The following ELP3 variants were observed in gnomAD, a reference collection of about 807,000 sequenced individuals.
ELP3 encodes elongator complex protein 3.
Under a neutral mutation model 74.9 loss-of-function variants are expected in ELP3, and 56 were observed. The observed-to-expected ratio is 0.75, with a 90% CI of 0.60 to 0.93. ELP3 has a LOEUF of 0.93. Ranked by LOEUF, ELP3 falls within the 40% of genes least tolerant of loss-of-function variation. The probability of loss-of-function intolerance (pLI) is 0.00; values close to 1 mark genes in which losing one functional copy is unlikely to be tolerated. For synonymous variants in ELP3, 222 were observed against 239.8 expected (o/e 0.93, Z 0.68); for missense variants, 573 against 686.5 (o/e 0.83, Z 1.85).
At chr8:28,128,195 C>G (rs184794213) in intron 7 of ELP3, among the ~76,000 whole-genome samples, 1 of 151,924 alleles carries the variant, frequency 6.6e-6, no homozygotes, top group Non-Finnish European at 1.5e-5. Context: ...AGATGTTGGC[C>G]GGGCGCAGTG....
chr8:28,142,772 A>C (rs1385961689), intron 10 of ELP3, among the ~76,000 whole-genome samples: 1 of 152,182 alleles, frequency 6.6e-6, no homozygotes, highest in African/African-American at 2.4e-5. Context: ...TAATATGTTC[A>C]TAGTATTTTC....
intron 4 of ELP3, 145 bp from the exon 5 acceptor site, chr8:28,107,768 A>G (rs1243988831): frequency 1.6e-6 from 1 of 607,834 alleles, no homozygotes; most frequent in Admixed American, 3.1e-5. Context: ...TTATTTACAG[A>G]TACTGCAAAG....
chr8:28,121,815 A>G (rs191739803), intron 7 of ELP3, among the ~76,000 whole-genome samples: 4 of 152,132 alleles, frequency 2.6e-5, no homozygotes, highest in East Asian at 1.9e-4. Context: ...TCCCTTTTGG[A>G]TTTGTATGCT....
intron 7 of ELP3, among the ~76,000 whole-genome samples, chr8:28,123,828 G>GTGACAGCC (rs1554498119): frequency 6.6e-6 from 1 of 151,254 alleles, no homozygotes; most frequent in African/African-American, 2.4e-5. Flanking sequence ...TAATTTAGCC[G>GTGACAGCC]TCATGTGCTT....
At chr8:28,093,011 G>T (rs111292522), upstream of ELP3, 13 of 768,380 alleles carry the variant, frequency 1.7e-5, no homozygotes, top group African/African-American at 5.1e-5. Flanking sequence ...CAGCCTAGGG[G>T]CCTCACGGGC....
chr8:28,099,585 G>A (rs1811391089), intron 2 of ELP3, among the ~76,000 whole-genome samples: 1 of 152,134 alleles, frequency 6.6e-6, no homozygotes, highest in Non-Finnish European at 1.5e-5. Flanking sequence ...CATCGTCCAG[G>A]GACCCTTCTC....
chr8:28,128,497 T>G (rs933662818), intron 7 of ELP3, among the ~76,000 whole-genome samples: 1 of 151,986 alleles, frequency 6.6e-6, no homozygotes, highest in African/African-American at 2.4e-5. Context: ...TGAGAGATGT[T>G]GAAAAGCAGA....
At chr8:28,090,496 T>TGTGA, upstream of ELP3, 1 of 228,854 alleles carries the variant, frequency 4.4e-6, no homozygotes, top group South Asian at 5.9e-5. Flanking sequence ...TGTGTGTGTG[T>TGTGA]GTGTGTGTGT....
chr8:28,117,238 G>T (rs2130415749), intron 7 of ELP3, among the ~76,000 whole-genome samples: 1 of 152,254 alleles, frequency 6.6e-6, no homozygotes, highest in Non-Finnish European at 1.5e-5. Context: ...GATCTGCATA[G>T]TGAACTTTTA....
chr8:28,189,852 C>CAGAG lies in ELP3; in HGVS notation c.*129_*132dup. On this transcript the variant is annotated 3_prime_UTR_variant, in exon 15 of 15. Transcript: ENST00000256398. Reference sequence around the variant, plus strand: ...GGGCTTCACCCTCATCCCGCAGCTGCAGAGACTGGAAACTGCCTTCAAGGC... The same window carrying CAGAG: ...GGGCTTCACCCTCATCCCGCAGCTGCAGAGAGAGACTGGAAACTGCCTTCAAGGC... 1.9e-6 allele frequency: 2 copies of CAGAG among 1,032,298 alleles called. No individual in the cohort carries two copies. Among genetic ancestry groups the CAGAG allele is most frequent in the Non-Finnish European group, 2.9e-6 (2 of 696,954 alleles). 63.9% of individuals were successfully genotyped at this position (1,032,298 alleles called of 1,614,324 possible).
chr8:28,101,223 G>C (rs1811468479), intron 3 of ELP3, among the ~76,000 whole-genome samples: 2 of 151,790 alleles, frequency 1.3e-5, no homozygotes, highest in Non-Finnish European at 2.9e-5. Context: ...GACCATCCTG[G>C]CTAACACGAC....
chr8:28,162,291 A>C (rs966362392), intron 14 of ELP3, among the ~76,000 whole-genome samples: 4 of 152,118 alleles, frequency 2.6e-5, no homozygotes, highest in Non-Finnish European at 5.9e-5. Context: ...AGGACCTGTG[A>C]CCCATATGCC....
At chr8:28,100,784 G>T (rs911521213) in intron 3 of ELP3, among the ~76,000 whole-genome samples, 7 of 152,214 alleles carry the variant, frequency 4.6e-5, no homozygotes, top group African/African-American at 1.7e-4. Context: ...ATGTCAGTAT[G>T]CAGTGTTAAG....
chr8:28,140,582 T>C (rs1777368736), intron 10 of ELP3, among the ~76,000 whole-genome samples: 1 of 152,188 alleles, frequency 6.6e-6, no homozygotes, highest in Middle Eastern at 3.2e-3. Flanking sequence ...GTGAAAAATT[T>C]GAGTTGCCCA....
intron 10 of ELP3, among the ~76,000 whole-genome samples, chr8:28,154,936 A>G (rs181806447): frequency 3.3e-5 from 5 of 152,328 alleles, no homozygotes; most frequent in Admixed American, 2.6e-4. Flanking sequence ...CCTGGCTTCC[A>G]GAGCCTAACA....
chr8:28,124,316 T>C (rs1426782653), intron 7 of ELP3, among the ~76,000 whole-genome samples: 1 of 152,126 alleles, frequency 6.6e-6, no homozygotes, highest in African/African-American at 2.4e-5. Flanking sequence ...TCCAGACTTA[T>C]TTATATTATT....
At chr8:28,128,503 G>A (rs1812669301) in intron 7 of ELP3, among the ~76,000 whole-genome samples, 1 of 152,128 alleles carries the variant, frequency 6.6e-6, no homozygotes, top group Non-Finnish European at 1.5e-5. Context: ...ATGTTGAAAA[G>A]CAGAGAAGTC....
intron 3 of ELP3, among the ~76,000 whole-genome samples, chr8:28,106,080 A>G (rs1425746760): frequency 2.0e-5 from 3 of 152,248 alleles, no homozygotes; most frequent in Admixed American, 2.0e-4. Context: ...TAAGACAATC[A>G]GAGAGAGAAA....
At chr8:28,167,472 T>TA (rs1260825027) in intron 14 of ELP3, among the ~76,000 whole-genome samples, 4 of 152,238 alleles carry the variant, frequency 2.6e-5, no homozygotes, top group African/African-American at 9.6e-5. Flanking sequence ...CAGGAGAAGA[T>TA]AGTTTTATTC....
Sources: allele counts gnomAD v4.1 joint callset (sites outside exome capture counted in the v4.1 genomes callset), GRCh38; gene constraint gnomAD v4.1.1; transcripts MANE v1.5; gene names NCBI Gene and HGNC (gene_info 2026-07-23, HGNC 2026-07-21).